MYBBP1A: variants seen among roughly 807,000 people sequenced by gnomAD.
MYBBP1A encodes the protein MYB binding protein 1a, also known as myb-binding protein 1A.
In MYBBP1A, 147 loss-of-function variants were observed where a neutral mutation model predicts 136.3. That is an observed-to-expected ratio of 1.08 (90% CI 0.94 to 1.24). The LOEUF is 1.24. Among genes scored for constraint, MYBBP1A ranks in the 50% most tolerant of loss-of-function variants. MYBBP1A has a pLI of 0.00. For missense variants in MYBBP1A, 2,060 were observed against 1,727.4 expected (o/e 1.19, Z -3.41); for synonymous variants, 947 against 735.8 (o/e 1.29, Z -4.65).
Position 4,552,776 on chromosome 17 carries a change from G to C in MYBBP1A, c.562-150C>G. On this transcript the variant is annotated intron_variant, in intron 5 of 25. Coordinates refer to ENST00000254718, the MANE Select transcript of MYBBP1A (RefSeq NM_014520.4). The surrounding 1 kb of genome is among the most constrained non-coding windows in gnomAD (Gnocchi z 4.7). Reference sequence around the variant, plus strand: ...ACAAAACTCAAATTCCCAGGCAGCGGGGTTTTTGACAAGCATCCCACTGAC... The same window carrying C: ...ACAAAACTCAAATTCCCAGGCAGCGCGGTTTTTGACAAGCATCCCACTGAC... 1 of 733,726 alleles carries C rather than the reference G, an allele frequency of 1.4e-6. No homozygotes were observed. The highest frequency in any genetic ancestry group is 2.8e-5 in the East Asian group (1 of 36,214). The allele number at this position is 733,726 out of a possible 1,614,324, so 45.5% of individuals were successfully genotyped here.
chr17:4,542,477 C>G lies in MYBBP1A; in HGVS notation c.3074G>C (p.Arg1025Pro), dbSNP rs145257834. The change falls in exon 22 of 26, where the codon CGG becomes CCG. Residue 1025 changes from arginine to proline, a missense_variant. Transcript: ENST00000254718. ...ILVQHITGPV[R>P]PRHQACLLLQ... The stretch of plus-strand genomic sequence containing the variant: ...GAAGTCTCTCACCTGATGACGGGGC[C>G]GCACCGGGCCCGTGATATGCTGGAC... The G allele has an allele frequency of 6.2e-7, 1 of 1,609,672 alleles. No homozygotes were observed.
In MYBBP1A at chr17:4,548,411, T is replaced by C; in HGVS notation, c.1557-101A>G. 1 of 1,604,030 alleles carries C rather than the reference T, an allele frequency of 6.2e-7. No individual in the cohort carries two copies. Among genetic ancestry groups the C allele is most frequent in the Non-Finnish European group, 8.5e-7 (1 of 1,173,242 alleles). On this transcript the variant is annotated intron_variant, in intron 11 of 25. Transcript: ENST00000254718. The surrounding 1 kb of genome is among the most constrained non-coding windows in gnomAD (Gnocchi z 4.2). ...CTCGGTCTCCCGCCTCTCCAGGACC[T>C]ACTAGAACTCCGGGGGCCTCTGCCG...
rs755768575 is a variant in MYBBP1A, at chr17:4,552,110, A to G, written c.905+15T>C. On this transcript the variant is annotated intron_variant, in intron 7 of 25. Coordinates refer to ENST00000254718, the MANE Select transcript of MYBBP1A (RefSeq NM_014520.4). The surrounding 1 kb of genome is among the most constrained non-coding windows in gnomAD (Gnocchi z 4.7). ...ACAGGGAAGGGGGCCGAGAGAGGACACGCGTCGCCCGCACCTGGCTGGCCA... is the reference window on the plus strand; with the variant it reads ...ACAGGGAAGGGGGCCGAGAGAGGACGCGCGTCGCCCGCACCTGGCTGGCCA... 1.2e-6 allele frequency: 2 copies of G among 1,610,752 alleles called. No individual in the cohort carries two copies. The highest frequency in any genetic ancestry group is 1.7e-6 in the Non-Finnish European group (2 of 1,178,044).
At chr17:4,549,230 C>T in intron 10 of MYBBP1A, 102 bp downstream of exon 10, 4 of 1,009,054 alleles carry the variant, frequency 4.0e-6, no homozygotes, top group Non-Finnish European at 5.8e-6. Flanking sequence ...TGACTCAACC[C>T]AAAGGCTTCT....
At chr17:4,544,437 TG>T in intron 19 of MYBBP1A, 51 bp downstream of exon 19, 1 of 1,537,848 alleles carries the variant, frequency 6.5e-7, no homozygotes. Context: ...CTGGCTCTCC[TG>T]CGCCTGGGGG....
At position 4,548,758 on chromosome 17, in the gene MYBBP1A, G is replaced by T; in HGVS notation, c.1431-109C>A. 1 of 1,448,212 alleles carries T rather than the reference G, an allele frequency of 6.9e-7. No homozygotes were observed. The highest frequency in any genetic ancestry group is 9.4e-7 in the Non-Finnish European group (1 of 1,061,372). 89.7% of individuals were successfully genotyped at this position (1,448,212 alleles called of 1,614,324 possible). On this transcript the variant is annotated intron_variant, in intron 10 of 25. Coordinates refer to ENST00000254718, the MANE Select transcript of MYBBP1A (RefSeq NM_014520.4). The surrounding 1 kb of genome is among the most constrained non-coding windows in gnomAD (Gnocchi z 4.2). ...TACAAGGCCAGGAGGAGGAGGAGCCGCCCTTCTGCCCTGGGTACAGTCCTC... is the reference window on the plus strand; with the variant it reads ...TACAAGGCCAGGAGGAGGAGGAGCCTCCCTTCTGCCCTGGGTACAGTCCTC...
chr17:4,539,561 G>A lies in MYBBP1A; in HGVS notation c.3841C>T (p.Leu1281Phe). The A allele has an allele frequency of 1.9e-6, 3 of 1,614,114 alleles. No individual in the cohort carries two copies. Among genetic ancestry groups the A allele is most frequent in the Middle Eastern group, 1.6e-4 (1 of 6,062 alleles). Residue 1281 changes from leucine (L) to phenylalanine (F), a missense_variant, in exon 26 of 26, where the codon CTT becomes TTT. Leu to Phe is a conservative substitution (Grantham distance 22). Coordinates refer to ENST00000254718, the MANE Select transcript of MYBBP1A (RefSeq NM_014520.4). ...PAGQKQHQKALPKKGVLGKSP... is the reference protein window; with the variant it reads ...PAGQKQHQKAFPKKGVLGKSP... The stretch of plus-strand genomic sequence containing the variant: ...TTGCCCAAGACCCCCTTTTTGGGAA[G>A]AGCCTTCTGATGCTGCTTTTGGCCT...
In MYBBP1A at chr17:4,555,150, C is replaced by T; in HGVS notation, c.175G>A (p.Glu59Lys). The change falls in exon 1 of 26, where the codon GAG becomes AAG. Residue 59 changes from glutamate (E) to lysine (K), a missense_variant. By Grantham distance (56) the Glu-to-Lys change is moderately conservative (BLOSUM62 1). Coordinates refer to ENST00000254718, the MANE Select transcript of MYBBP1A (RefSeq NM_014520.4). ...TRLAATEKLL[E>K]YLRGRPKGSE... ...ACCTTCGGCCTGCCACGCAGATACT[C>T]CAGCAGCTTCTCCGTGGCCGCAAGT... is the stretch of plus-strand genomic sequence containing the variant. 5 of 1,598,850 alleles carry T rather than the reference C, an allele frequency of 3.1e-6. No individual in the cohort carries two copies. The highest frequency in any genetic ancestry group is 4.3e-6 in the Non-Finnish European group (5 of 1,172,656).
intron 13 of MYBBP1A, among the ~76,000 whole-genome samples, chr17:4,546,346 T>C (rs931600746): frequency 1.3e-5 from 2 of 152,222 alleles, no homozygotes; most frequent in Non-Finnish European, 2.9e-5. Context: ...CTTGAACTCC[T>C]GACCTCGTGA....
Position 4,545,339 on chromosome 17 carries a change from T to G in MYBBP1A, c.2080A>C (p.Asn694His), listed in dbSNP as rs752508700. The G allele has an allele frequency of 6.2e-7, 1 of 1,613,130 alleles. No individual in the cohort carries two copies. Among genetic ancestry groups the G allele is most frequent in the Admixed American group, 1.7e-5 (1 of 59,990 alleles). The stretch of plus-strand genomic sequence containing the variant: ...TTCTCATCCTCACTGGTCTCGGGGT[T>G]CAGCACCTGGGGAGGGGTGCCAGCC... ...RALQLILDVL[N>H]PETSEDENDR... The change falls in exon 16 of 26, where the codon AAC (asparagine) becomes CAC (histidine). Residue 694 changes from asparagine to histidine, a missense_variant. Transcript: ENST00000254718.
At chr17:4,543,285 C>CCTAGAA in intron 19 of MYBBP1A, 120 bp from the exon 20 acceptor site, 1 of 1,360,574 alleles carries the variant, frequency 7.3e-7, no homozygotes, top group Non-Finnish European at 9.7e-7. Flanking sequence ...ACGACAGAGG[C>CCTAGAA]GACCCAGGCC....
rs1281770047 is a variant in MYBBP1A at position 4,540,464 on chromosome 17, C to A, written c.3318G>T (p.Thr1106=). 23 of 1,609,978 alleles carry A rather than the reference C, an allele frequency of 1.4e-5. No individual in the cohort carries two copies. Among genetic ancestry groups the A allele is most frequent in the African/African-American group, 2.7e-5 (2 of 74,898 alleles). ...CKHEKLTLDL[T]VLLGVLQGQQ... ...GCCCCTGCAGCACACCCAGGAGCAC[C>A]GTCAGGTCCAAGGTCAGCTTCTGCA... Residue 1106 remains threonine (T), a synonymous_variant, in exon 25 of 26, where the codon ACG becomes ACT. Transcript: ENST00000254718.
Position 4,544,599 on chromosome 17 carries a change from G to A in MYBBP1A, c.2529C>T (p.Ala843=), listed in dbSNP as rs1367882500. 5.7e-6 allele frequency: 9 copies of A among 1,583,976 alleles called. No individual in the cohort carries two copies. Among genetic ancestry groups the A allele is most frequent in the Middle Eastern group, 1.7e-4 (1 of 6,036 alleles). The part of the protein sequence containing the change: ...EVLVTKQPEN[A]LVLELLEPLL... ...GCGGCTCCAGCAGCTCCAGGACCAG[G>A]GCATTCTCGGGCTGCTTGGTCACTA... is the stretch of plus-strand genomic sequence containing the variant. Residue 843 remains alanine, a synonymous_variant, in exon 19 of 26, where the codon GCC becomes GCT. Transcript: ENST00000254718.
At chr17:4,544,004 G>T (rs535482207) in intron 19 of MYBBP1A, among the ~76,000 whole-genome samples, 4 of 152,114 alleles carry the variant, frequency 2.6e-5, no homozygotes, top group African/African-American at 9.7e-5. Flanking sequence ...TTCCAGCTGC[G>T]TGTCTGACCA....
At position 4,544,655 on chromosome 17, in the gene MYBBP1A, A is replaced by G. The variant is rs764628107; in HGVS notation, c.2482-9T>C. The G allele has an allele frequency of 5.0e-6, 7 of 1,410,934 alleles. No homozygotes were observed. The highest frequency in any genetic ancestry group is 6.6e-6 in the Non-Finnish European group (7 of 1,064,350). 87.4% of individuals were successfully genotyped at this position (1,410,934 alleles called of 1,614,324 possible). A position where few individuals can be genotyped will look rare whatever the true frequency, so the allele number is the denominator to read the frequency against. ...TCCACCAGGTCCAGCACCTGCAGCCAGGAGGGCAGGTCAGCAACACGGGGG... is the reference window on the plus strand; with the variant it reads ...TCCACCAGGTCCAGCACCTGCAGCCGGGAGGGCAGGTCAGCAACACGGGGG... On this transcript the variant is annotated splice_polypyrimidine_tract_variant and intron_variant, in intron 18 of 25. Transcript: ENST00000254718.
rs772966609 is a variant in MYBBP1A at position 4,539,368 on chromosome 17, G to A, written c.*47C>T. 88 of 1,512,714 alleles carry A rather than the reference G, an allele frequency of 5.8e-5. No homozygotes were observed. The highest frequency in any genetic ancestry group is 1.8e-4 in the Middle Eastern group (1 of 5,420). 93.7% of individuals were successfully genotyped at this position (1,512,714 alleles called of 1,614,324 possible). On this transcript the variant is annotated 3_prime_UTR_variant, in exon 26 of 26. Coordinates refer to ENST00000254718, the MANE Select transcript of MYBBP1A (RefSeq NM_014520.4). ...TTAAAAAAAAAAAAAAAAAATAGGC[G>A]TCTCAGGCAGATGGAGGCAGGGGCT...
chr17:4,554,046 G>A lies in MYBBP1A; in HGVS notation c.426C>T (p.Ala142=). The A allele has an allele frequency of 6.2e-7, 1 of 1,614,006 alleles. No individual in the cohort carries two copies. The highest frequency in any genetic ancestry group is 8.5e-7 in the Non-Finnish European group (1 of 1,180,024). ...ALFANLFGVL[A]LFQSGRLVKD... is the part of the protein sequence containing the mutation. ...TCACCAGCCGACCTGACTGAAAGAG[G>A]GCGAGCACTCCAAACAGGTTTGCAA... The change falls in exon 4 of 26, where the codon GCC becomes GCT. Residue 142 remains alanine (A), a synonymous_variant. Transcript: ENST00000254718.
chr17:4,539,045 G>A lies in MYBBP1A; in HGVS notation c.*370C>T, dbSNP rs1468013885. The A allele has an allele frequency of 4.1e-6, 4 of 982,004 alleles. No individual in the cohort carries two copies. In the African/African-American group the frequency reaches 6.4e-5, roughly 16 times the overall value. The allele number at this position is 982,004 out of a possible 1,614,324, so 60.8% of individuals were successfully genotyped here. On this transcript the variant is annotated 3_prime_UTR_variant, in exon 26 of 26. Transcript: ENST00000254718. Reference sequence around the variant, plus strand: ...AAACCTATTTAAATCACCCCCTGGTGGCTCCCTCACAGCAAAAAAGCCTGG... The same window carrying A: ...AAACCTATTTAAATCACCCCCTGGTAGCTCCCTCACAGCAAAAAAGCCTGG...
In MYBBP1A at chr17:4,548,303, G is replaced by A. The variant is rs1157299295; in HGVS notation, c.1564C>T (p.Gln522Ter). The A allele has an allele frequency of 6.2e-7, 1 of 1,612,200 alleles. No homozygotes were observed. The highest frequency in any genetic ancestry group is 8.5e-7 in the Non-Finnish European group (1 of 1,179,848). ...AVSSAFFSLL[Q>*]TLSTQFKQAP... ...TGCTTGAACTGCGTGCTGAGGGTCT[G>A]CAACAGACTGGGCAAGGGATGGGGC... Residue 522 changes from glutamine to a stop codon, truncating the protein, a stop_gained, in exon 12 of 26, where the codon CAG (glutamine) becomes TAG (stop). Transcript: ENST00000254718. LOFTEE classifies it high-confidence loss of function. This position sits in a 1 kb window ranked among gnomAD's most constrained non-coding sequence, Gnocchi z 4.2.
Sources: allele counts gnomAD v4.1 joint callset (sites outside exome capture counted in the v4.1 genomes callset), GRCh38; gene constraint gnomAD v4.1.1; non-coding constraint Gnocchi (gnomAD v3.1); transcripts MANE v1.5; gene names NCBI Gene and HGNC (gene_info 2026-07-23, HGNC 2026-07-21).